The following CD6 variants were observed in gnomAD, a reference collection of about 807,000 sequenced individuals.
CD6 encodes T-cell differentiation antigen CD6.
Under a neutral mutation model 75.3 loss-of-function variants are expected in CD6, and 53 were observed. The observed-to-expected ratio is 0.70, with a 90% CI of 0.56 to 0.88. The LOEUF (loss-of-function observed/expected upper bound fraction) is 0.88, where lower values mean the gene tolerates loss of function less well. CD6 is among the 40% of genes least tolerant of loss of function. The pLI, the probability that CD6 is intolerant of heterozygous loss-of-function variation, is 0.00. For synonymous variants in CD6, 359 were observed against 381.5 expected, an observed-to-expected ratio of 0.94 and a Z score of 0.69; for missense variants, 770 against 897.1, an observed-to-expected ratio of 0.86 and a Z score of 1.81.
At chr11:61,016,890 G>A (rs1020971377) in intron 9 of CD6, 1 of 152,968 alleles carries the variant, frequency 6.5e-6, no homozygotes, top group African/African-American at 2.4e-5. Flanking sequence ...CCACAGGGAT[G>A]AAGTGTCTGT....
At chr11:60,999,536 A>G (rs1350596912) in intron 1 of CD6, among the ~76,000 whole-genome samples, 1 of 151,922 alleles carries the variant, frequency 6.6e-6, no homozygotes, top group African/African-American at 2.4e-5. Context: ...AACCATACTT[A>G]TAACATAACC....
At chr11:61,018,219 C>A in intron 11 of CD6, 70 bp from the exon 12 acceptor site, 1 of 1,379,322 alleles carries the variant, frequency 7.2e-7, no homozygotes, top group Admixed American at 2.4e-5. Flanking sequence ...GTCACGTGGG[C>A]CCCCCAGCTC....
chr11:61,018,820 T>G, intron 12 of CD6: 1 of 239,928 alleles, frequency 4.2e-6, no homozygotes, highest in African/African-American at 2.2e-5. Flanking sequence ...AGACCCTCTT[T>G]CTACAAGAAA....
chr11:61,017,766 A>G lies in CD6; in HGVS notation c.1590A>G (p.Glu530=), dbSNP rs1859479474. The G allele has an allele frequency of 6.2e-7, 1 of 1,613,886 alleles. No individual in the cohort carries two copies. Among genetic ancestry groups the G allele is most frequent in the Admixed American group, 1.7e-5 (1 of 59,970 alleles). The change falls in exon 11 of 13, where the codon GAA becomes GAG. Residue 530 remains glutamate, a synonymous_variant. Transcript: ENST00000313421. ...FQMPPLEEGL[E]ELHASHIPTA... ...CTCCCTTTCCTGCCTTAGGACTTGAAGAGTTGCATGCCTCCCACATCCCAA... is the reference window on the plus strand; with the variant it reads ...CTCCCTTTCCTGCCTTAGGACTTGAGGAGTTGCATGCCTCCCACATCCCAA...
chr11:60,998,733 A>C (rs748966072), intron 1 of CD6, among the ~76,000 whole-genome samples: 27 of 151,990 alleles, frequency 1.8e-4, no homozygotes, highest in Non-Finnish European at 3.2e-4. Flanking sequence ...TCACTGTATT[A>C]GTACTTCAAG....
chr11:60,992,120 T>G (rs1371041025), intron 1 of CD6, among the ~76,000 whole-genome samples: 1 of 152,162 alleles, frequency 6.6e-6, no homozygotes, highest in Admixed American at 6.5e-5. Context: ...GCTCAAGCAA[T>G]CCACCCACCT....
intron 4 of CD6, 101 bp downstream of exon 4, chr11:61,008,946 C>G: frequency 9.9e-7 from 1 of 1,011,672 alleles, no homozygotes; most frequent in Non-Finnish European, 1.4e-6. Context: ...GGTCCCTGCC[C>G]TTGAGATGTC....
chr11:60,982,625 G>A (rs945330033), intron 1 of CD6: 3 of 455,932 alleles, frequency 6.6e-6, no homozygotes, highest in African/African-American at 6.0e-5. Context: ...CAAACTAAAG[G>A]ATGCACAGTT....
At chr11:60,976,313 C>A (rs1486093191) in intron 1 of CD6, among the ~76,000 whole-genome samples, 1 of 152,170 alleles carries the variant, frequency 6.6e-6, no homozygotes, top group East Asian at 1.9e-4. Context: ...ATATCAAGTT[C>A]TCTTAAATAT....
intron 1 of CD6, among the ~76,000 whole-genome samples, chr11:60,981,135 G>A (rs1857545205): frequency 6.6e-6 from 1 of 152,216 alleles, no homozygotes; most frequent in South Asian, 2.1e-4. Context: ...TAGGCAGGCA[G>A]TACAAGGATC....
chr11:61,018,415 A>G (rs750640318), intron 12 of CD6, 22 bp downstream of exon 12: 2 of 1,545,938 alleles, frequency 1.3e-6, no homozygotes, highest in Admixed American at 1.9e-5. Flanking sequence ...TGGGGAAGGG[A>G]TGTGGGAGGG....
intron 1 of CD6, among the ~76,000 whole-genome samples, chr11:60,973,384 C>A (rs1426687310): frequency 6.6e-6 from 1 of 152,202 alleles, no homozygotes; most frequent in Non-Finnish European, 1.5e-5. Context: ...TCTGTCCCAC[C>A]CTGGCAGCTC....
At chr11:60,989,613 G>C (rs529513990) in intron 1 of CD6, among the ~76,000 whole-genome samples, 1 of 152,322 alleles carries the variant, frequency 6.6e-6, no homozygotes, top group African/African-American at 2.4e-5. Flanking sequence ...AGCGCAGCAT[G>C]GCTCAAGAAA....
In CD6 at chr11:60,991,149, C is replaced by T. The variant is rs201963069; in HGVS notation, c.50-15425C>T. Among the ~76,000 whole-genome samples the T allele has an allele frequency of 1.3e-3, 150 of 114,684 alleles. 1 individual carries two copies. Among genetic ancestry groups the T allele is most frequent in the African/African-American group, 3.7e-3 (112 of 30,176 alleles). The allele number at this position is 114,684 out of a possible 152,430, so 75.2% of individuals were successfully genotyped here. A position where few individuals can be genotyped will look rare whatever the true frequency, so the allele number is the denominator to read the frequency against. The stretch of plus-strand genomic sequence containing the variant: ...TCTTTCTTTTCTTTTCTTTTTCTTT[C>T]TTTTTTTTTTTTTTTTTTGAGACGG... On this transcript the variant is annotated intron_variant, in intron 1 of 12. Transcript: ENST00000313421.
chr11:61,008,811 C>A lies in CD6; in HGVS notation c.747C>A (p.Cys249Ter). The A allele has an allele frequency of 6.4e-7, 1 of 1,567,778 alleles. No homozygotes were observed. The highest frequency in any genetic ancestry group is 1.4e-5 in the African/African-American group (1 of 73,814). ...CGGGGCTGCCAGGACAGCACTACTG[C>A]GGCCACAAAGAGGACGCGGGCGCGG... ...DCPGLPGQHY[C>*]GHKEDAGAVC... The change falls in exon 4 of 13, where the codon TGC (cysteine) becomes TGA (stop). Residue 249 changes from cysteine (C) to a stop codon, truncating the protein, a stop_gained. Coordinates refer to ENST00000313421, the MANE Select transcript of CD6 (RefSeq NM_006725.5). LOFTEE classifies it high-confidence loss of function.
chr11:61,012,724 G>A (rs1859207522), intron 6 of CD6, among the ~76,000 whole-genome samples: 1 of 152,160 alleles, frequency 6.6e-6, no homozygotes, highest in Non-Finnish European at 1.5e-5. Context: ...CTGAGGGAGG[G>A]GGAGGGCAAG....
intron 6 of CD6, among the ~76,000 whole-genome samples, chr11:61,013,163 G>A (rs754872075): frequency 6.6e-6 from 1 of 152,260 alleles, no homozygotes; most frequent in Non-Finnish European, 1.5e-5. Context: ...CTAGCAGACA[G>A]ATAGATCTCT....
At chr11:61,008,128 C>G (rs952786621) in intron 3 of CD6, among the ~76,000 whole-genome samples, 7 of 152,288 alleles carry the variant, frequency 4.6e-5, no homozygotes, top group Admixed American at 3.9e-4. Flanking sequence ...ACTCCACCCC[C>G]ACACTTGGTT....
chr11:60,999,225 C>T (rs1452466411), intron 1 of CD6, among the ~76,000 whole-genome samples: 1 of 151,790 alleles, frequency 6.6e-6, no homozygotes, highest in African/African-American at 2.4e-5. Context: ...ATTTTCTTTT[C>T]CTATAGTAGA....
Sources: gnomAD v4.1 joint callset for allele counts (sites outside exome capture counted in the v4.1 genomes callset) on GRCh38, gnomAD v4.1.1 for gene constraint, MANE v1.5 for transcripts, NCBI Gene and HGNC (gene_info 2026-07-23, HGNC 2026-07-21) for gene names.